Variants in RETREG3 observed in about 807,000 individuals in gnomAD.
RETREG3 encodes the protein reticulophagy regulator family member 3, also known as reticulophagy regulator 3.
RETREG3 carries 23 observed loss-of-function variants against 50.2 expected under a neutral mutation model. That is an observed-to-expected ratio of 0.46 (90% CI 0.33 to 0.65). RETREG3 has a LOEUF of 0.65. Among genes scored for constraint, RETREG3 ranks in the 30% least tolerant of loss-of-function variants. The pLI is 0.02. For missense variants in RETREG3, 546 were observed against 598.0 expected, an observed-to-expected ratio of 0.91 and a Z score of 0.91; for synonymous variants, 240 against 234.4, an observed-to-expected ratio of 1.02 and a Z score of -0.22.
chr17:42,585,205 T>C lies in RETREG3; in HGVS notation c.647A>G (p.Tyr216Cys). ...CTGCAGAGCTGGCTTCAGCCGCACA[T>C]ATGCTCGATCCCACAGTCGGTGGTA... ...AVYHRLWDRA[Y>C]VRLKPALQRL... Residue 216 changes from tyrosine (Y) to cysteine (C), a missense_variant, in exon 6 of 9, where the codon TAT (tyrosine) becomes TGT (cysteine). Physicochemically the swap from Tyr to Cys is radical, Grantham distance 194 (BLOSUM62 -2). Transcript: ENST00000309428. 1 of 1,613,996 alleles carries C rather than the reference T, an allele frequency of 6.2e-7. No homozygotes were observed. Among genetic ancestry groups the C allele is most frequent in the Non-Finnish European group, 8.5e-7 (1 of 1,180,028 alleles).
At chr17:42,603,033 T>C (rs1271544127) in intron 1 of RETREG3, among the ~76,000 whole-genome samples, 1 of 151,680 alleles carries the variant, frequency 6.6e-6, no homozygotes, top group East Asian at 1.9e-4. Flanking sequence ...TGAAATTTTA[T>C]ATATCCATTG....
chr17:42,582,878 T>C (rs1414115243), intron 7 of RETREG3, 72 bp from the exon 8 acceptor site: 1 of 1,582,292 alleles, frequency 6.3e-7, no homozygotes, highest in Non-Finnish European at 8.6e-7. Context: ...ACAGCTTTAC[T>C]AATCAGCTAG....
rs773574450 is a variant in RETREG3 at position 42,582,823 on chromosome 17, C to A, written c.811-17G>T. 54 of 1,613,930 alleles carry A rather than the reference C, an allele frequency of 3.3e-5. No homozygotes were observed. The South Asian group carries it at 4.2e-4, about 12-fold the overall frequency. ...ATCGTCCAGCTTAGGAAAAGACCAA[C>A]AAATGTGAGATAATGCCATCAGGAA... is the stretch of plus-strand genomic sequence containing the variant. On this transcript the variant is annotated splice_polypyrimidine_tract_variant and intron_variant, in intron 7 of 8. Transcript: ENST00000309428.
chr17:42,597,341 G>A (rs1273692680), intron 1 of RETREG3, among the ~76,000 whole-genome samples: 13 of 147,906 alleles, frequency 8.8e-5, no homozygotes, highest in Admixed American at 2.7e-4. Context: ...GGCATGCACC[G>A]CTACGCCCAG....
rs2093107799 is a variant in RETREG3, at chr17:42,581,253, CACT to C, written c.*557_*559del. ...GCATAGTAGCGGGCACCTGTAATCC[CACT>C]ACTAAGGAGGCTGAGGCAGGAGAAC... On this transcript the variant is annotated 3_prime_UTR_variant, in exon 9 of 9. Coordinates refer to ENST00000309428, the MANE Select transcript of RETREG3 (RefSeq NM_178126.4). The C allele has an allele frequency of 6.6e-6, 1 of 152,032 alleles. No individual in the cohort carries two copies. The highest frequency in any genetic ancestry group is 2.4e-5 in the African/African-American group (1 of 41,306). The allele number at this position is 152,032 out of a possible 1,614,324, so 9.4% of individuals were successfully genotyped here.
At chr17:42,599,986 C>T (rs2093155591) in intron 1 of RETREG3, among the ~76,000 whole-genome samples, 1 of 151,620 alleles carries the variant, frequency 6.6e-6, no homozygotes, top group Admixed American at 6.6e-5. Context: ...AGAGCGAGAC[C>T]CTATCTCAAA....
Position 42,582,696 on chromosome 17 carries a change from T to C in RETREG3, c.921A>G (p.Thr307=). ...NGTFNLSRGQ[T]PLTEGSEDLD... is the part of the protein sequence containing the mutation. Reference sequence around the variant, plus strand: ...CACCTTCAGAGCCTTCCGTTAGAGGTGTTTGGCCCCTTGAAAGATTGAATG... The same window carrying C: ...CACCTTCAGAGCCTTCCGTTAGAGGCGTTTGGCCCCTTGAAAGATTGAATG... Residue 307 remains threonine (T), a synonymous_variant, in exon 8 of 9, where the codon ACA becomes ACG. Transcript: ENST00000309428. 6.2e-7 allele frequency: 1 copy of C among 1,614,110 alleles called. No individual in the cohort carries two copies.
In RETREG3 at chr17:42,581,803, A is replaced by G. The variant is rs770899933; in HGVS notation, c.*10T>C. 7.7e-6 allele frequency: 12 copies of G among 1,549,996 alleles called. No homozygotes were observed. The highest frequency in any genetic ancestry group is 1.4e-5 in the African/African-American group (1 of 72,612). On this transcript the variant is annotated 3_prime_UTR_variant, in exon 9 of 9. Coordinates refer to ENST00000309428, the MANE Select transcript of RETREG3 (RefSeq NM_178126.4). ...CTAAACCACAGTGACTCCCAAAAGG[A>G]GTCTCTGCCTCAGTGGCTCCTAGAA...
At chr17:42,589,821 C>T (rs1264849843) in intron 2 of RETREG3, among the ~76,000 whole-genome samples, 5 of 152,226 alleles carry the variant, frequency 3.3e-5, no homozygotes, top group Non-Finnish European at 7.3e-5. Flanking sequence ...GACTACTTCT[C>T]ACAAAGACAC....
chr17:42,583,788 C>T (rs2093115365), intron 6 of RETREG3, among the ~76,000 whole-genome samples: 1 of 152,162 alleles, frequency 6.6e-6, no homozygotes, highest in African/African-American at 2.4e-5. Context: ...CTTCCAACAT[C>T]CTCTCCACCA....
intron 1 of RETREG3, among the ~76,000 whole-genome samples, chr17:42,601,449 TG>T (rs1490904355): frequency 2.2e-5 from 3 of 136,870 alleles, no homozygotes; most frequent in Non-Finnish European, 3.2e-5. Context: ...GGTGGGCGCC[TG>T]GAGTCCCAGC....
intron 8 of RETREG3, 107 bp downstream of exon 8, chr17:42,582,567 T>C (rs2093111775): frequency 1.3e-6 from 2 of 1,514,710 alleles, no homozygotes; most frequent in Admixed American, 3.9e-5. Flanking sequence ...GCCTGATCCA[T>C]AGCTCAGAAA....
At chr17:42,603,960 G>C (rs566392818) in intron 1 of RETREG3, among the ~76,000 whole-genome samples, 1 of 151,114 alleles carries the variant, frequency 6.6e-6, no homozygotes, top group East Asian at 1.9e-4. Flanking sequence ...CTGGGCGACA[G>C]AGCGAGACTC....
intron 1 of RETREG3, among the ~76,000 whole-genome samples, chr17:42,595,677 T>TC (rs1490440230): frequency 6.7e-6 from 1 of 149,234 alleles, no homozygotes; most frequent in African/African-American, 2.5e-5. Flanking sequence ...TTTTTTTTTT[T>TC]TTTTTTTGAG....
intron 2 of RETREG3, among the ~76,000 whole-genome samples, chr17:42,590,961 C>T (rs988641613): frequency 3.9e-5 from 6 of 152,168 alleles, no homozygotes; most frequent in East Asian, 1.9e-4. Context: ...AGTGAGACTC[C>T]GTCTCAAAAG....
intron 1 of RETREG3, among the ~76,000 whole-genome samples, chr17:42,604,709 A>C (rs8076124): frequency 3.2e-4 from 48 of 151,898 alleles, no homozygotes; most frequent in Admixed American, 1.1e-3. Flanking sequence ...AAAAAAAAAA[A>C]AAAAAAAAAC....
At chr17:42,607,401 G>A (rs752211113) in intron 1 of RETREG3, among the ~76,000 whole-genome samples, 1 of 151,430 alleles carries the variant, frequency 6.6e-6, no homozygotes. Flanking sequence ...TGTGGAGGCT[G>A]AGGTGGGAAG....
intron 4 of RETREG3, 189 bp downstream of exon 4, chr17:42,586,576 G>C: frequency 1.5e-6 from 1 of 667,702 alleles, no homozygotes; most frequent in East Asian, 3.2e-5. Context: ...CACCAAATGA[G>C]CAGTCACCAA....
intron 1 of RETREG3, among the ~76,000 whole-genome samples, chr17:42,604,818 C>T (rs2093164911): frequency 6.6e-6 from 1 of 151,838 alleles, no homozygotes; most frequent in South Asian, 2.1e-4. Context: ...GTTCATTTAC[C>T]CTCCTCTGAT....
Sources: gnomAD v4.1 joint callset for allele counts (sites outside exome capture counted in the v4.1 genomes callset) on GRCh38, gnomAD v4.1.1 for gene constraint, MANE v1.5 for transcripts, NCBI Gene and HGNC (gene_info 2026-07-23, HGNC 2026-07-21) for gene names.